GCFC2: variants seen among roughly 807,000 people sequenced by gnomAD.
GCFC2 encodes the protein GC-rich sequence DNA-binding factor 2, also known as intron Large complex component GCFC2.
A neutral mutation model predicts 99.4 loss-of-function variants in GCFC2; 102 were observed. That is an observed-to-expected ratio of 1.03 (90% CI 0.87 to 1.21). The LOEUF is 1.21. GCFC2 is among the 50% of genes most tolerant of loss of function. The pLI is 0.00. For missense variants in GCFC2, 973 were observed against 920.9 expected (o/e 1.06, Z -0.73); for synonymous variants, 338 against 316.8 (o/e 1.07, Z -0.71).
intron 11 of GCFC2, among the ~76,000 whole-genome samples, chr2:75,684,720 A>C (rs571817411): frequency 1.3e-5 from 2 of 152,338 alleles, no homozygotes; most frequent in Admixed American, 1.3e-4. Flanking sequence ...TACCCAAAGG[A>C]TTATAAATTC....
intron 14 of GCFC2, chr2:75,670,865 C>T (rs1679064228): frequency 1.3e-5 from 2 of 152,266 alleles, no homozygotes; most frequent in African/African-American, 2.4e-5. Context: ...ATATTCATTA[C>T]TCTGAGTGCT....
rs1679989673 is a variant in GCFC2 at position 75,689,979 on chromosome 2, T to G, written c.1329A>C (p.Gln443His). ...ELPSAEMIDF[Q>H]KSQGDILQKQ... ...AACTTGGTAACTGACCTTGGCTTTT[T>G]TGGAAGTCAATCATCTCTGCTGAAG... The change falls in exon 9 of 17, where the codon CAA becomes CAC. Residue 443 changes from glutamine to histidine, a missense_variant. Gln to His is a conservative substitution (Grantham distance 24). Coordinates refer to ENST00000321027, the MANE Select transcript of GCFC2 (RefSeq NM_003203.5). 6.3e-7 allele frequency: 1 copy of G among 1,579,006 alleles called. No individual in the cohort carries two copies.
intron 4 of GCFC2, among the ~76,000 whole-genome samples, chr2:75,700,653 A>T (rs1232607320): frequency 6.6e-6 from 1 of 152,236 alleles, no homozygotes; most frequent in Non-Finnish European, 1.5e-5. Flanking sequence ...AAAATTAAAG[A>T]TTAAAAAAAT....
chr2:75,668,472 A>T (rs1364883882), intron 15 of GCFC2, among the ~76,000 whole-genome samples: 1 of 152,212 alleles, frequency 6.6e-6, no homozygotes, highest in East Asian at 1.9e-4. Flanking sequence ...GTCTGTCTGC[A>T]TCTTGTTATT....
Position 75,689,952 on chromosome 2 carries a change from GAA to G in GCFC2, c.1339+15_1339+16del, listed in dbSNP as rs772779713. On this transcript the variant is annotated intron_variant, in intron 9 of 16. Transcript: ENST00000321027. The stretch of plus-strand genomic sequence containing the variant: ...TCAAAACTCAAACCATGATATATTA[GAA>G]ACTTGGTAACTGACCTTGGCTTTTT... 6.6e-6 allele frequency: 9 copies of G among 1,355,086 alleles called. No individual in the cohort carries two copies. The highest frequency in any genetic ancestry group is 9.4e-6 in the Non-Finnish European group (9 of 957,554). The allele number at this position is 1,355,086 out of a possible 1,614,324, so 83.9% of individuals were successfully genotyped here.
chr2:75,711,893 C>G (rs995376043), upstream of GCFC2, among the ~76,000 whole-genome samples: 3 of 152,246 alleles, frequency 2.0e-5, no homozygotes, highest in African/African-American at 7.2e-5. Flanking sequence ...CGAGCATCCC[C>G]GACGAGCACC....
chr2:75,704,472 G>C (rs1360270065), intron 2 of GCFC2, among the ~76,000 whole-genome samples: 16 of 152,178 alleles, frequency 1.1e-4, no homozygotes, highest in Non-Finnish European at 2.4e-4. Context: ...GTGCATAGGG[G>C]ATGGGCAATT....
intron 9 of GCFC2, 144 bp from the exon 10 acceptor site, chr2:75,689,369 A>C: frequency 1.8e-6 from 1 of 544,042 alleles, no homozygotes; most frequent in South Asian, 2.8e-5. Flanking sequence ...AAATCACTTT[A>C]TCAACAAAGT....
At chr2:75,710,510 C>G (rs538812964) in intron 1 of GCFC2, 81 bp downstream of exon 1, 173 of 1,413,548 alleles carry the variant, frequency 1.2e-4, no homozygotes, top group African/African-American at 1.8e-4. Flanking sequence ...TATAGAACCC[C>G]CAGAGAAGGA....
At position 75,664,590 on chromosome 2, in the gene GCFC2, A is replaced by G. The variant is rs536306971; in HGVS notation, c.*76T>C. 5.8e-6 allele frequency: 4 copies of G among 694,042 alleles called. No individual in the cohort carries two copies. The East Asian group carries it at 7.6e-5, about 13-fold the overall frequency. 43.0% of individuals were successfully genotyped at this position (694,042 alleles called of 1,614,324 possible). A position where few individuals can be genotyped will look rare whatever the true frequency, so the allele number is the denominator to read the frequency against. On this transcript the variant is annotated 3_prime_UTR_variant, in exon 17 of 17. Coordinates refer to ENST00000321027, the MANE Select transcript of GCFC2 (RefSeq NM_003203.5). ...CTATTACAGGGAATAAAGAAGAGAG[A>G]GGCACCAGCTTCTTCTCAAACAAAG... is the stretch of plus-strand genomic sequence containing the variant.
intron 12 of GCFC2, among the ~76,000 whole-genome samples, chr2:75,675,949 A>G (rs1679319639): frequency 6.6e-6 from 1 of 152,104 alleles, no homozygotes; most frequent in African/African-American, 2.4e-5. Flanking sequence ...ACTTTGAAAC[A>G]GCTTTAAAGA....
intron 8 of GCFC2, 86 bp from the exon 9 acceptor site, chr2:75,690,167 T>G (rs1226764241): frequency 2.8e-6 from 2 of 717,314 alleles, no homozygotes; most frequent in Non-Finnish European, 4.9e-6. Context: ...AACCTCTTGC[T>G]GAAAATAAGT....
intron 15 of GCFC2, among the ~76,000 whole-genome samples, chr2:75,668,245 C>T (rs578255999): frequency 3.9e-5 from 6 of 152,286 alleles, no homozygotes; most frequent in South Asian, 2.1e-4. Flanking sequence ...AGACCCCAGA[C>T]GGTAGTTAGA....
At position 75,710,610 on chromosome 2, in the gene GCFC2, G is replaced by T; in HGVS notation, c.246C>A (p.Pro82=). 6.6e-7 allele frequency: 1 copy of T among 1,514,530 alleles called. No homozygotes were observed. The highest frequency in any genetic ancestry group is 8.8e-7 in the Non-Finnish European group (1 of 1,138,304). The allele number at this position is 1,514,530 out of a possible 1,614,324, so 93.8% of individuals were successfully genotyped here. A position where few individuals can be genotyped will look rare whatever the true frequency, so the allele number is the denominator to read the frequency against. Residue 82 remains proline (P), a synonymous_variant, in exon 1 of 17, where the codon CCC becomes CCA. Transcript: ENST00000321027. ...GGACACCTGAGCCTTCGTCCGCGCG[G>T]GGAGCCGCTTTGGTGGCACGCCGGG... The part of the protein sequence containing the change: ...ASSRRATKAA[P]RADEGSESRT...
At chr2:75,703,560 G>A (rs975275913) in intron 2 of GCFC2, among the ~76,000 whole-genome samples, 1 of 152,062 alleles carries the variant, frequency 6.6e-6, no homozygotes, top group Non-Finnish European at 1.5e-5. Flanking sequence ...AGAAAATGAA[G>A]TGATTTGCTT....
chr2:75,670,965 C>T (rs1679067932), intron 14 of GCFC2, among the ~76,000 whole-genome samples: 1 of 152,128 alleles, frequency 6.6e-6, no homozygotes, highest in Non-Finnish European at 1.5e-5. Flanking sequence ...AGCCTTTTCC[C>T]TGATTCAACC....
intron 11 of GCFC2, among the ~76,000 whole-genome samples, chr2:75,681,569 G>A (rs1372962060): frequency 2.0e-5 from 3 of 151,602 alleles, no homozygotes; most frequent in African/African-American, 7.3e-5. Context: ...ATACCCCAGT[G>A]GCACCTGGAA....
chr2:75,677,419 A>C (rs1049641339), intron 12 of GCFC2, among the ~76,000 whole-genome samples: 2 of 152,210 alleles, frequency 1.3e-5, no homozygotes, highest in African/African-American at 4.8e-5. Context: ...ATTCTCTACC[A>C]AGTGCCATTT....
upstream of GCFC2, among the ~76,000 whole-genome samples, chr2:75,712,517 G>A (rs893543362): frequency 6.6e-5 from 10 of 152,158 alleles, no homozygotes; most frequent in Admixed American, 3.9e-4. Context: ...GCAGGATGTG[G>A]GTGGGGCCAG....
Sources: gnomAD v4.1 joint callset for allele counts (sites outside exome capture counted in the v4.1 genomes callset) on GRCh38, gnomAD v4.1.1 for gene constraint, MANE v1.5 for transcripts, NCBI Gene and HGNC (gene_info 2026-07-23, HGNC 2026-07-21) for gene names.